Variants in PLEKHM3 observed in about 807,000 individuals in gnomAD.
The protein encoded by PLEKHM3 is pleckstrin homology domain-containing family M member 3.
Under a neutral mutation model 81.8 loss-of-function variants are expected in PLEKHM3, and 45 were observed. The observed-to-expected ratio is 0.55, with a 90% CI of 0.43 to 0.71. The LOEUF is 0.71. Ranked by LOEUF, PLEKHM3 falls within the 30% of genes least tolerant of loss-of-function variation. The pLI is 0.00. For missense variants in PLEKHM3, 788 were observed against 924.3 expected (o/e 0.85, Z 1.91); for synonymous variants, 352 against 356.4 (o/e 0.99, Z 0.14).
intron 7 of PLEKHM3, among the ~76,000 whole-genome samples, chr2:207,859,075 C>T (rs1308416067): frequency 4.0e-5 from 6 of 151,262 alleles, no homozygotes; most frequent in African/African-American, 1.2e-4. Flanking sequence ...GGCTTCTTTC[C>T]GTTAGCATGT....
chr2:207,965,940 C>T (rs1288138185), intron 3 of PLEKHM3, among the ~76,000 whole-genome samples: 2 of 152,158 alleles, frequency 1.3e-5, no homozygotes, highest in Non-Finnish European at 2.9e-5. Flanking sequence ...TTCTCTAACC[C>T]TCTATAGACA....
chr2:207,994,427 T>C (rs1306917885), intron 2 of PLEKHM3, among the ~76,000 whole-genome samples: 2 of 152,044 alleles, frequency 1.3e-5, no homozygotes, highest in Admixed American at 6.6e-5. Flanking sequence ...AAGGGTTTAG[T>C]ACAGACAGTA....
At chr2:207,834,790 G>A (rs2092309302) in intron 7 of PLEKHM3, among the ~76,000 whole-genome samples, 1 of 151,890 alleles carries the variant, frequency 6.6e-6, no homozygotes, top group South Asian at 2.1e-4. Context: ...TTTGCTCTTT[G>A]GCCAAGAACC....
intron 1 of PLEKHM3, among the ~76,000 whole-genome samples, chr2:208,007,263 G>A (rs1036669744): frequency 5.3e-5 from 8 of 152,190 alleles, no homozygotes; most frequent in Admixed American, 1.3e-4. Context: ...CATTGAGGGC[G>A]TTCACATCAC....
chr2:207,941,949 C>T (rs905648836), intron 4 of PLEKHM3, among the ~76,000 whole-genome samples: 3 of 152,036 alleles, frequency 2.0e-5, no homozygotes, highest in African/African-American at 7.2e-5. Context: ...GGCTATTACT[C>T]AAAAGACAGA....
chr2:207,875,817 A>AAACAAC (rs368508005), intron 6 of PLEKHM3, among the ~76,000 whole-genome samples: 7 of 151,896 alleles, frequency 4.6e-5, no homozygotes, highest in South Asian at 2.1e-4. Flanking sequence ...TAAAAAAAGC[A>AAACAAC]AACAACAACA....
intron 7 of PLEKHM3, among the ~76,000 whole-genome samples, chr2:207,858,185 T>TTTTC (rs2092447440): frequency 6.7e-6 from 1 of 150,068 alleles, no homozygotes; most frequent in Non-Finnish European, 1.5e-5. Flanking sequence ...TATATATTTT[T>TTTTC]TTTTTTGAGA....
intron 6 of PLEKHM3, among the ~76,000 whole-genome samples, chr2:207,872,367 T>G (rs944521866): frequency 9.9e-5 from 15 of 152,172 alleles, no homozygotes; most frequent in African/African-American, 3.6e-4. Context: ...TATTGAAAAA[T>G]AATACCTCTA....
At chr2:207,953,891 A>G (rs1159133143) in intron 3 of PLEKHM3, among the ~76,000 whole-genome samples, 3 of 152,014 alleles carry the variant, frequency 2.0e-5, no homozygotes, top group African/African-American at 7.2e-5. Flanking sequence ...CCATGTTCCT[A>G]CCATGGGTGA....
At chr2:207,864,869 G>C (rs962978477) in intron 6 of PLEKHM3, among the ~76,000 whole-genome samples, 2 of 152,018 alleles carry the variant, frequency 1.3e-5, no homozygotes, top group Admixed American at 6.5e-5. Flanking sequence ...ACTTATTATT[G>C]CTTAATACAA....
At chr2:208,008,650 A>G (rs1231250272) in intron 1 of PLEKHM3, among the ~76,000 whole-genome samples, 1 of 152,186 alleles carries the variant, frequency 6.6e-6, no homozygotes, top group Non-Finnish European at 1.5e-5. Context: ...CACAGCCATT[A>G]GTGTTTCCCA....
intron 6 of PLEKHM3, among the ~76,000 whole-genome samples, chr2:207,875,024 T>C (rs1203311519): frequency 6.6e-6 from 1 of 152,048 alleles, no homozygotes; most frequent in African/African-American, 2.4e-5. Context: ...ACCCCATTTA[T>C]GTGGGGTAAA....
chr2:207,856,237 G>A (rs576925971), intron 7 of PLEKHM3, among the ~76,000 whole-genome samples: 66 of 152,208 alleles, frequency 4.3e-4, no homozygotes, highest in Non-Finnish European at 7.4e-4. Flanking sequence ...ACCACCACCT[G>A]TTGTGTTTTC....
At chr2:207,857,468 T>TCA (rs2092442657) in intron 7 of PLEKHM3, among the ~76,000 whole-genome samples, 1 of 152,178 alleles carries the variant, frequency 6.6e-6, no homozygotes, top group Non-Finnish European at 1.5e-5. Flanking sequence ...CTTTCAATAT[T>TCA]CCATAGCATT....
intron 7 of PLEKHM3, among the ~76,000 whole-genome samples, chr2:207,844,779 G>A (rs2092374388): frequency 6.6e-6 from 1 of 152,152 alleles, no homozygotes; most frequent in Non-Finnish European, 1.5e-5. Flanking sequence ...GTTGGTTTGT[G>A]GGTTCCCCAG....
chr2:208,008,858 A>G (rs982324716), intron 1 of PLEKHM3, among the ~76,000 whole-genome samples: 1 of 152,178 alleles, frequency 6.6e-6, no homozygotes, highest in Non-Finnish European at 1.5e-5. Context: ...GTTCTCCTTA[A>G]ATCAAGTTAT....
intron 6 of PLEKHM3, among the ~76,000 whole-genome samples, chr2:207,872,032 TTAATA>T (rs755522691): frequency 1.3e-5 from 2 of 152,324 alleles, no homozygotes; most frequent in South Asian, 2.1e-4. Flanking sequence ...CCTTCGTTAC[TTAATA>T]TATGAGAAAA....
Position 207,824,942 on chromosome 2 carries a change from C to T in PLEKHM3, c.*3377G>A, listed in dbSNP as rs916532231. ...GGCCTACTCTAGAAGAATCAAAAAC[C>T]GATGACCCTCTCAGCGAATCCGATG... On this transcript the variant is annotated 3_prime_UTR_variant, in exon 8 of 8. Coordinates refer to ENST00000427836, the MANE Select transcript of PLEKHM3 (RefSeq NM_001080475.3). The T allele has an allele frequency of 6.6e-6, 1 of 152,086 alleles. No homozygotes were observed. Among genetic ancestry groups the T allele is most frequent in the Non-Finnish European group, 1.5e-5 (1 of 68,032 alleles). 9.4% of individuals were successfully genotyped at this position (152,086 alleles called of 1,614,324 possible).
intron 5 of PLEKHM3, among the ~76,000 whole-genome samples, chr2:207,926,010 C>T (rs1689381438): frequency 6.6e-6 from 1 of 151,922 alleles, no homozygotes; most frequent in African/African-American, 2.4e-5. Flanking sequence ...AATTACATGG[C>T]CTTGGGGTTA....
Sources: allele counts gnomAD v4.1 joint callset (sites outside exome capture counted in the v4.1 genomes callset), GRCh38; gene constraint gnomAD v4.1.1; transcripts MANE v1.5; gene names NCBI Gene and HGNC (gene_info 2026-07-23, HGNC 2026-07-21).